Variants in RTCB observed in about 807,000 individuals in gnomAD.
The protein encoded by RTCB is RNA 2',3'-cyclic phosphate and 5'-OH ligase.
In RTCB, 32 loss-of-function variants were observed where a neutral mutation model predicts 58.2. The ratio of observed to expected loss-of-function variants is 0.55; its 90% CI spans 0.41 to 0.74. RTCB has a LOEUF of 0.74. RTCB is among the 30% of genes least tolerant of loss of function. RTCB has a pLI of 0.00. For synonymous variants in RTCB, 247 were observed against 218.6 expected, an observed-to-expected ratio of 1.13 and a Z score of -1.15; for missense variants, 523 against 639.0, an observed-to-expected ratio of 0.82 and a Z score of 1.96.
intron 4 of RTCB, among the ~76,000 whole-genome samples, chr22:32,402,756 G>A (rs926451733): frequency 3.3e-5 from 5 of 151,900 alleles, no homozygotes; most frequent in African/African-American, 1.2e-4. Flanking sequence ...GCTGACTTTT[G>A]TTTTTTTGAG....
intron 10 of RTCB, among the ~76,000 whole-genome samples, chr22:32,393,591 A>G (rs112463615): frequency 1.3e-5 from 2 of 152,332 alleles, no homozygotes; most frequent in African/African-American, 4.8e-5. Context: ...TTAAAGTTCT[A>G]TCACTTATAA....
chr22:32,388,380 A>G (rs1277556780), intron 11 of RTCB, among the ~76,000 whole-genome samples: 2 of 152,172 alleles, frequency 1.3e-5, no homozygotes, highest in South Asian at 4.1e-4. Flanking sequence ...GTAAGTAAAT[A>G]AAACACACAC....
intron 1 of RTCB, among the ~76,000 whole-genome samples, chr22:32,410,898 G>C (rs370408573): frequency 6.6e-6 from 1 of 152,032 alleles, no homozygotes; most frequent in African/African-American, 2.4e-5. Context: ...TGTAGAGACA[G>C]GGTCCCACTA....
chr22:32,388,780 T>C (rs781301072), intron 11 of RTCB, among the ~76,000 whole-genome samples: 7 of 152,184 alleles, frequency 4.6e-5, no homozygotes, highest in Non-Finnish European at 1.0e-4. Flanking sequence ...CGTACGGTTC[T>C]GTACATAATA....
At chr22:32,397,879 C>A in intron 7 of RTCB, 62 bp downstream of exon 7, 1 of 1,517,644 alleles carries the variant, frequency 6.6e-7, no homozygotes, top group Non-Finnish European at 8.9e-7. Context: ...AGAGTTTTCG[C>A]TCTTAAATTT....
intron 9 of RTCB, 55 bp downstream of exon 9, chr22:32,394,971 C>T (rs1476369945): frequency 2.1e-6 from 3 of 1,452,324 alleles, no homozygotes; most frequent in Non-Finnish European, 2.8e-6. Flanking sequence ...TTCACATTTG[C>T]AACAATCTAA....
intron 8 of RTCB, 38 bp downstream of exon 8, chr22:32,396,036 A>G (rs535201737): frequency 5.0e-6 from 8 of 1,603,826 alleles, no homozygotes; most frequent in Middle Eastern, 1.7e-4. Flanking sequence ...TAACATCATC[A>G]TGAATGACTC....
Position 32,403,178 on chromosome 22 carries a change from G to A in RTCB, c.341-1275C>T, listed in dbSNP as rs564299647. On this transcript the variant is annotated intron_variant, in intron 4 of 11. Transcript: ENST00000216038. Reference sequence around the variant, plus strand: ...TCCCAGCACTTTGGGAGGCCGAGGCGGGCGGATCATGAGGTCAGGAGATCG... The same window carrying A: ...TCCCAGCACTTTGGGAGGCCGAGGCAGGCGGATCATGAGGTCAGGAGATCG... 5.7e-4 allele frequency among the ~76,000 whole-genome samples: 87 copies of A among 152,242 alleles called. 2 individuals are homozygous for A. In the South Asian group the frequency reaches 0.014, roughly 25 times the overall value.
At chr22:32,400,399 A>G (rs1933317493) in intron 5 of RTCB, among the ~76,000 whole-genome samples, 1 of 152,202 alleles carries the variant, frequency 6.6e-6, no homozygotes, top group Admixed American at 6.5e-5. Flanking sequence ...CACTGCCAGG[A>G]AAAACTACAC....
At chr22:32,396,614 T>C (rs1933250433) in intron 7 of RTCB, among the ~76,000 whole-genome samples, 1 of 152,206 alleles carries the variant, frequency 6.6e-6, no homozygotes. Context: ...ATTAATCAAA[T>C]CCATGACAAA....
At chr22:32,407,869 C>G in intron 3 of RTCB, 1 of 314,288 alleles carries the variant, frequency 3.2e-6, no homozygotes, top group East Asian at 5.8e-5. Flanking sequence ...TCAAGCAATC[C>G]TCCCACTTAG....
chr22:32,394,995 T>C, intron 9 of RTCB, 31 bp downstream of exon 9: 2 of 1,569,472 alleles, frequency 1.3e-6, no homozygotes, highest in Non-Finnish European at 1.7e-6. Context: ...GTGCCCCCAC[T>C]GCTTAAAACT....
rs536527595 is a variant in RTCB at position 32,403,360 on chromosome 22, T to C, written c.341-1457A>G. Reference sequence around the variant, plus strand: ...AGGCGGAGCTTGCAGTGAGCCAAGATTGCACCAGTGCACTCCAGCCCGGGC... The same window carrying C: ...AGGCGGAGCTTGCAGTGAGCCAAGACTGCACCAGTGCACTCCAGCCCGGGC... On this transcript the variant is annotated intron_variant, in intron 4 of 11. Coordinates refer to ENST00000216038, the MANE Select transcript of RTCB (RefSeq NM_014306.5). 6.6e-5 allele frequency among the ~76,000 whole-genome samples: 10 copies of C among 151,834 alleles called. No individual in the cohort carries two copies. The South Asian group carries it at 8.3e-4, about 13-fold the overall frequency.
intron 7 of RTCB, among the ~76,000 whole-genome samples, chr22:32,397,721 C>T (rs529189308): frequency 6.6e-6 from 1 of 152,302 alleles, no homozygotes; most frequent in South Asian, 2.1e-4. Context: ...ACATTAAGTG[C>T]TTTACATATA....
At chr22:32,411,993 A>G in intron 1 of RTCB, 71 bp downstream of exon 1, 1 of 1,190,088 alleles carries the variant, frequency 8.4e-7, no homozygotes, top group Non-Finnish European at 1.2e-6. Flanking sequence ...GGAGGTCCAG[A>G]GGGCGCAGTG....
intron 11 of RTCB, among the ~76,000 whole-genome samples, chr22:32,388,969 C>T (rs1265376345): frequency 6.6e-6 from 1 of 152,186 alleles, no homozygotes; most frequent in Non-Finnish European, 1.5e-5. Context: ...TCATCTCCAA[C>T]TTTCTGAATG....
Position 32,393,888 on chromosome 22 carries a change from T to C in RTCB, c.1290+4A>G. 2 of 1,604,142 alleles carry C rather than the reference T, an allele frequency of 1.2e-6. No homozygotes were observed. The highest frequency in any genetic ancestry group is 1.7e-6 in the Non-Finnish European group (2 of 1,170,868). ...ATTTCTAAGGAAGTTTCTGTTTTCC[T>C]TACCGCTCCATGACAGGTTGTTCCA... On this transcript the variant is annotated splice_donor_region_variant and intron_variant, in intron 10 of 11. Transcript: ENST00000216038.
intron 7 of RTCB, 97 bp downstream of exon 7, chr22:32,397,844 G>C: frequency 8.5e-7 from 1 of 1,179,658 alleles, no homozygotes; most frequent in Non-Finnish European, 1.2e-6. Context: ...TGAGGACTCA[G>C]GATAAAACCC....
chr22:32,412,231 C>A lies in RTCB; in HGVS notation c.-75G>T, dbSNP rs957292656. On this transcript the variant is annotated 5_prime_UTR_variant, in exon 1 of 12. Transcript: ENST00000216038. ...TGCCGCGTAGTCCGGCTTCTCAGAG[C>A]ACCGCCTTCCAAGAACCAAAGCGCA... 10 of 1,267,572 alleles carry A rather than the reference C, an allele frequency of 7.9e-6. No individual in the cohort carries two copies. The highest frequency in any genetic ancestry group is 4.7e-5 in the East Asian group (2 of 42,156). The allele number at this position is 1,267,572 out of a possible 1,614,324, so 78.5% of individuals were successfully genotyped here.
Sources: allele counts gnomAD v4.1 joint callset (sites outside exome capture counted in the v4.1 genomes callset), GRCh38; gene constraint gnomAD v4.1.1; transcripts MANE v1.5; gene names NCBI Gene and HGNC (gene_info 2026-07-23, HGNC 2026-07-21).